Variants in ZNF704 observed in about 807,000 individuals in gnomAD.
ZNF704 encodes the protein glucocorticoid induced gene 1.
ZNF704 carries 10 observed loss-of-function variants against 44.7 expected under a neutral mutation model. That is an observed-to-expected ratio of 0.22 (90% confidence interval 0.14 to 0.38). The LOEUF is 0.38. Ranked by LOEUF, ZNF704 falls within the 10% of genes least tolerant of loss-of-function variation. ZNF704 has a pLI of 1.00. For synonymous variants in ZNF704, 211 were observed against 207.6 expected, an observed-to-expected ratio of 1.02 and a Z score of -0.14; for missense variants, 390 against 545.5, an observed-to-expected ratio of 0.71 and a Z score of 2.84.
At chr8:80,813,318 T>A (rs1208879362) in intron 2 of ZNF704, among the ~76,000 whole-genome samples, 1 of 152,222 alleles carries the variant, frequency 6.6e-6, no homozygotes, top group Non-Finnish European at 1.5e-5. Flanking sequence ...TGACATAAAT[T>A]ATTATTTTAA....
chr8:80,657,766 A>G (rs1036695227), intron 7 of ZNF704, among the ~76,000 whole-genome samples: 3 of 151,510 alleles, frequency 2.0e-5, no homozygotes, highest in Non-Finnish European at 2.9e-5. Flanking sequence ...TATGTTTTAT[A>G]TATCATATAT....
rs535107111 is a variant in ZNF704 at position 80,864,088 on chromosome 8, CA to C, written c.-22+10482del. On this transcript the variant is annotated intron_variant, in intron 1 of 8. Transcript: ENST00000327835. ...CACAATAATGGTATTCACAGATACACAAGTGAAAATTTACCACAGGAAATAC... is the reference window on the plus strand; with the variant it reads ...CACAATAATGGTATTCACAGATACACAGTGAAAATTTACCACAGGAAATAC... 8.8e-4 allele frequency among the ~76,000 whole-genome samples: 134 copies of C among 152,122 alleles called. 2 individuals carry two copies. Among genetic ancestry groups the C allele is most frequent in the Non-Finnish European group, 1.2e-3 (83 of 68,020 alleles).
In ZNF704 at chr8:80,854,148, G is replaced by T. The variant is rs112259515; in HGVS notation, c.-22+20423C>A. On this transcript the variant is annotated intron_variant, in intron 1 of 8. Transcript: ENST00000327835. ...ATACACAAGATATTGTGTATGAAAT[G>T]ATGGTAAACAGCGTTAAGGCACTGT... is the stretch of plus-strand genomic sequence containing the variant. Among the ~76,000 whole-genome samples the T allele has an allele frequency of 3.6e-3, 552 of 152,304 alleles. 2 individuals carry two copies. Among genetic ancestry groups the T allele is most frequent in the African/African-American group, 0.013 (535 of 41,558 alleles).
chr8:80,647,275 TG>T (rs11355394), intron 7 of ZNF704, among the ~76,000 whole-genome samples: 4,633 of 152,056 alleles, frequency 0.03, 249 homozygotes, highest in African/African-American at 0.11. Context: ...TTATCTTGAG[TG>T]GTAAGAGAAG....
intron 2 of ZNF704, among the ~76,000 whole-genome samples, chr8:80,777,970 C>T (rs938924024): frequency 8.6e-5 from 13 of 151,882 alleles, no homozygotes; most frequent in South Asian, 2.1e-4. Flanking sequence ...AGAACAAGGG[C>T]GTTTTTTGTA....
At chr8:80,882,035 G>C in the ZNF704 span, among the ~76,000 whole-genome samples, 3 of 152,274 alleles carry the variant, frequency 2.0e-5, no homozygotes, top group South Asian at 6.2e-4. Context: ...ATTGTGTCAA[G>C]CTGTGCAATG....
chr8:80,807,039 G>A (rs1808001127), intron 2 of ZNF704, among the ~76,000 whole-genome samples: 1 of 152,210 alleles, frequency 6.6e-6, no homozygotes, highest in Non-Finnish European at 1.5e-5. Flanking sequence ...TCATTTTTGA[G>A]ATCAAAGAAA....
chr8:80,689,262 A>G (rs1046853862), intron 3 of ZNF704, among the ~76,000 whole-genome samples: 2 of 152,208 alleles, frequency 1.3e-5, no homozygotes, highest in Admixed American at 6.5e-5. Context: ...TTACCTATTT[A>G]TGGATTTCTA....
intron 1 of ZNF704, among the ~76,000 whole-genome samples, chr8:80,866,722 G>GC (rs1554589069): frequency 2.1e-4 from 26 of 123,270 alleles, no homozygotes; most frequent in African/African-American, 6.8e-4. Flanking sequence ...TTGCGGGGTT[G>GC]GGGGGGGGAT....
At chr8:80,726,525 G>GTACA (rs1806483358) in intron 2 of ZNF704, among the ~76,000 whole-genome samples, 1 of 152,000 alleles carries the variant, frequency 6.6e-6, no homozygotes, top group Non-Finnish European at 1.5e-5. Context: ...TCTGTTGGAG[G>GTACA]TACATACTCA....
intron 5 of ZNF704, 139 bp from the exon 6 acceptor site, chr8:80,665,221 C>T: frequency 1.1e-6 from 1 of 893,238 alleles, no homozygotes; most frequent in Non-Finnish European, 1.7e-6. Context: ...TATCCTGCAG[C>T]ACTCAGTTCA....
intron 2 of ZNF704, among the ~76,000 whole-genome samples, chr8:80,732,301 A>G (rs545390987): frequency 6.6e-6 from 1 of 152,190 alleles, no homozygotes; most frequent in South Asian, 2.1e-4. Flanking sequence ...CTTAATCTTT[A>G]GTTAAATCCA....
chr8:80,847,032 G>T (rs1808777997), intron 1 of ZNF704, among the ~76,000 whole-genome samples: 1 of 152,070 alleles, frequency 6.6e-6, no homozygotes, highest in Non-Finnish European at 1.5e-5. Context: ...AATTAGCCAG[G>T]TGTGGTGACG....
In ZNF704 at chr8:80,723,353, GA is replaced by G. The variant is rs529661368; in HGVS notation, c.222-30247del. Among the ~76,000 whole-genome samples the G allele has an allele frequency of 3.3e-5, 5 of 151,938 alleles. No individual in the cohort carries two copies. The South Asian group carries it at 1.0e-3, about 32-fold the overall frequency. ...GTAACTGTAAGTATAACTCATACCA[GA>G]AAAAAACGTTAAACCGTCAGGATTA... On this transcript the variant is annotated intron_variant, in intron 2 of 8. Transcript: ENST00000327835.
chr8:80,740,675 T>C (rs879207112), intron 2 of ZNF704, among the ~76,000 whole-genome samples: 2 of 152,216 alleles, frequency 1.3e-5, no homozygotes, highest in Non-Finnish European at 2.9e-5. Flanking sequence ...TTTACAGTCA[T>C]GGACCTTAAG....
At chr8:80,853,722 C>G (rs1425129826) in intron 1 of ZNF704, among the ~76,000 whole-genome samples, 1 of 152,120 alleles carries the variant, frequency 6.6e-6, no homozygotes, top group Non-Finnish European at 1.5e-5. Context: ...CTTGTTCTTT[C>G]ATCTTCTATT....
intron 1 of ZNF704, among the ~76,000 whole-genome samples, chr8:80,836,234 C>T (rs1444439997): frequency 6.6e-6 from 1 of 152,208 alleles, no homozygotes; most frequent in Non-Finnish European, 1.5e-5. Context: ...TCTCTTCACT[C>T]TCACAGCTAC....
intron 2 of ZNF704, among the ~76,000 whole-genome samples, chr8:80,817,672 G>C (rs1482157980): frequency 6.6e-6 from 1 of 152,060 alleles, no homozygotes; most frequent in Non-Finnish European, 1.5e-5. Context: ...CTTTAAAATT[G>C]GTTCTCAAAT....
chr8:80,830,356 T>C (rs1808449887), intron 1 of ZNF704, among the ~76,000 whole-genome samples: 1 of 152,174 alleles, frequency 6.6e-6, no homozygotes, highest in Non-Finnish European at 1.5e-5. Flanking sequence ...GAACCTACAT[T>C]AGCTTAACAG....
Sources: gnomAD v4.1 joint callset for allele counts (sites outside exome capture counted in the v4.1 genomes callset) on GRCh38, gnomAD v4.1.1 for gene constraint, MANE v1.5 for transcripts, NCBI Gene and HGNC (gene_info 2026-07-23, HGNC 2026-07-21) for gene names.